OGFOD2: variants seen among roughly 807,000 people sequenced by gnomAD.
OGFOD2 encodes the protein 2-oxoglutarate and iron dependent oxygenase domain containing 2, also known as 2-oxoglutarate and iron-dependent oxygenase domain-containing protein 2.
A neutral mutation model predicts 31.1 loss-of-function variants in OGFOD2; 34 were observed. The ratio of observed to expected loss-of-function variants is 1.09; its 90% CI spans 0.83 to 1.45. The LOEUF (loss-of-function observed/expected upper bound fraction) is 1.45, where lower values mean the gene tolerates loss of function less well. Among genes scored for constraint, OGFOD2 ranks in the 40% most tolerant of loss-of-function variants. The pLI, the probability that OGFOD2 is intolerant of heterozygous loss-of-function variation, is 0.00. For missense variants in OGFOD2, 537 were observed against 433.9 expected, an observed-to-expected ratio of 1.24 and a Z score of -2.11; for synonymous variants, 240 against 192.3, an observed-to-expected ratio of 1.25 and a Z score of -2.05.
chr12:122,978,425 C>T lies in OGFOD2; in HGVS notation c.404-17C>T, dbSNP rs2037496222. On this transcript the variant is annotated splice_polypyrimidine_tract_variant and intron_variant, in intron 4 of 6. Transcript: ENST00000228922. Reference sequence around the variant, plus strand: ...CACGGCCACATTCAGGCCAACAGACCATCCCTCCTTCCACAGAGGAGAAGC... The same window carrying T: ...CACGGCCACATTCAGGCCAACAGACTATCCCTCCTTCCACAGAGGAGAAGC... The T allele has an allele frequency of 6.2e-7, 1 of 1,612,048 alleles. No individual in the cohort carries two copies. Among genetic ancestry groups the T allele is most frequent in the African/African-American group, 1.3e-5 (1 of 75,018 alleles).
rs538227616 is a variant in OGFOD2 at position 122,975,524 on chromosome 12, G to C, written c.132+141G>C. ...AAGAATGACGGCCTCTCTCTGCCTC[G>C]GTTTTCTCACCGTAAAGGGGTAATA... On this transcript the variant is annotated intron_variant, in intron 1 of 6. Coordinates refer to ENST00000228922, the Ensembl canonical transcript of OGFOD2. 3.0e-4 allele frequency: 179 copies of C among 593,496 alleles called. 1 individual carries two copies. The highest frequency in any genetic ancestry group is 2.7e-3 in the African/African-American group (148 of 53,930). 36.8% of individuals were successfully genotyped at this position (593,496 alleles called of 1,614,324 possible).
At chr12:122,977,743 C>T (rs1207717754) in intron 4 of OGFOD2, 1 of 154,072 alleles carries the variant, frequency 6.5e-6, no homozygotes, top group Non-Finnish European at 1.4e-5. Context: ...CTCATGGAGC[C>T]TGTGCTTTGT....
At chr12:122,979,163 T>C in exon 7 of OGFOD2, 1 of 1,610,740 alleles carries the variant, frequency 6.2e-7, no homozygotes, top group Non-Finnish European at 8.5e-7. Flanking sequence ...GCCAGCTGCA[T>C]GGAGCCCGGC....
intron 4 of OGFOD2, 85 bp from the exon 5 acceptor site, chr12:122,978,357 C>G: frequency 6.5e-7 from 1 of 1,539,454 alleles, no homozygotes; most frequent in East Asian, 2.3e-5. Context: ...CTCCATGGCA[C>G]AGGTGATGAA....
intron 4 of OGFOD2, chr12:122,977,198 G>T: frequency 1.7e-6 from 1 of 574,448 alleles, no homozygotes; most frequent in Non-Finnish European, 3.2e-6. Context: ...CCCTTCCTTC[G>T]TGCCCTCATC....
In OGFOD2 at chr12:122,979,425, C is replaced by T. The variant is rs1016360202; in HGVS notation, c.*79C>T. On this transcript the variant is annotated 3_prime_UTR_variant, in exon 7 of 7. Coordinates refer to ENST00000228922, the Ensembl canonical transcript of OGFOD2. The stretch of plus-strand genomic sequence containing the variant: ...GGTCTGGGGGCAGAAATAAAATCCC[C>T]GCAGCCTACTGCACTTCTTGGCTCA... 33 of 1,475,868 alleles carry T rather than the reference C, an allele frequency of 2.2e-5. No homozygotes were observed. In the African/African-American group the frequency reaches 2.8e-4, roughly 13 times the overall value. 91.4% of individuals were successfully genotyped at this position (1,475,868 alleles called of 1,614,324 possible).
In OGFOD2 at chr12:122,975,243, T is replaced by G. The variant is rs769128454; in HGVS notation, c.-9T>G. 4 of 668,776 alleles carry G rather than the reference T, an allele frequency of 6.0e-6. No individual in the cohort carries two copies. Among genetic ancestry groups the G allele is most frequent in the South Asian group, 4.6e-5 (3 of 65,226 alleles). 41.4% of individuals were successfully genotyped at this position (668,776 alleles called of 1,614,324 possible). ...CTACGGAAGCTGGTAGGGCTGTGGG[T>G]GCTTCACTATGGCGACGGTGGGGGC... On this transcript the variant is annotated 5_prime_UTR_variant, in exon 1 of 7. Coordinates refer to ENST00000228922, the Ensembl canonical transcript of OGFOD2.
intron 2 of OGFOD2, chr12:122,976,371 TC>T: frequency 6.2e-7 from 1 of 1,613,816 alleles, no homozygotes; most frequent in Non-Finnish European, 8.5e-7. Context: ...CATGACTGTC[TC>T]CTGTCCCTGT....
chr12:122,977,044 G>T, intron 4 of OGFOD2, 74 bp downstream of exon 4: 1 of 1,419,220 alleles, frequency 7.0e-7, no homozygotes, highest in Non-Finnish European at 9.8e-7. Flanking sequence ...GGATGCTGGG[G>T]TCCCTCCAGC....
chr12:122,976,162 C>T (rs906912971), intron 2 of OGFOD2: 6 of 594,950 alleles, frequency 1.0e-5, no homozygotes, highest in African/African-American at 7.4e-5. Context: ...AGAGGGATCC[C>T]TTGCCCAAGC....
intron 6 of OGFOD2, 22 bp from the exon 7 acceptor site, chr12:122,979,061 G>A: frequency 6.2e-7 from 1 of 1,600,608 alleles, no homozygotes. Context: ...GAGTGCCCAG[G>A]CCTGAGTCGT....
intron 2 of OGFOD2, 110 bp downstream of exon 2, chr12:122,975,977 G>T: frequency 1.5e-6 from 1 of 660,462 alleles, no homozygotes; most frequent in South Asian, 1.6e-5. Context: ...GGTCACTTAG[G>T]CCCTCACTTT....
In OGFOD2 at chr12:122,979,468, G is replaced by C. The variant is rs2037551408; in HGVS notation, c.*122G>C. Reference sequence around the variant, plus strand: ...TTGGCTCAACGGTGTGCCAGCTTCTGGGTCATTCTATGGGCAAAGATGCTG... The same window carrying C: ...TTGGCTCAACGGTGTGCCAGCTTCTCGGTCATTCTATGGGCAAAGATGCTG... On this transcript the variant is annotated 3_prime_UTR_variant, in exon 7 of 7. Transcript: ENST00000228922. 12 of 1,269,544 alleles carry C rather than the reference G, an allele frequency of 9.5e-6. No individual in the cohort carries two copies. The South Asian group carries it at 1.8e-4, about 20-fold the overall frequency. The allele number at this position is 1,269,544 out of a possible 1,614,324, so 78.6% of individuals were successfully genotyped here.
upstream of OGFOD2, chr12:122,975,143 C>T (rs2037370661): frequency 8.0e-6 from 4 of 500,880 alleles, no homozygotes; most frequent in African/African-American, 1.9e-5. Flanking sequence ...TCCTTTTCCG[C>T]CCTTGGGAAC....
rs1172593275 is a variant in OGFOD2, at chr12:122,975,240, G to A, written c.-12G>A. The A allele has an allele frequency of 4.5e-6, 3 of 665,854 alleles. No homozygotes were observed. Among genetic ancestry groups the A allele is most frequent in the Admixed American group, 4.5e-5 (2 of 44,512 alleles). 41.2% of individuals were successfully genotyped at this position (665,854 alleles called of 1,614,324 possible). A position where few individuals can be genotyped will look rare whatever the true frequency, so the allele number is the denominator to read the frequency against. ...TCTCTACGGAAGCTGGTAGGGCTGT[G>A]GGTGCTTCACTATGGCGACGGTGGG... On this transcript the variant is annotated 5_prime_UTR_variant, in exon 1 of 7. Coordinates refer to ENST00000228922, the Ensembl canonical transcript of OGFOD2.
chr12:122,978,457 A>G (rs201427406), exon 5 of OGFOD2: 1 of 1,613,486 alleles, frequency 6.2e-7, no homozygotes, highest in East Asian at 2.2e-5. Context: ...AAGCGCATCT[A>G]CCGGGTGCCT....
chr12:122,976,217 C>G (rs1421128727), intron 2 of OGFOD2: 1 of 628,480 alleles, frequency 1.6e-6, no homozygotes, highest in Non-Finnish European at 2.8e-6. Flanking sequence ...GCTTCCAGGC[C>G]CCTGGGCTCC....
exon 1 of OGFOD2, chr12:122,975,349 G>A (rs1392157334): frequency 8.6e-6 from 6 of 701,546 alleles, no homozygotes; most frequent in East Asian, 5.4e-5. Context: ...GTGCGCTTCC[G>A]AGGCGAGCAG....
At chr12:122,974,913 G>T (rs552548155), upstream of OGFOD2, 4 of 209,328 alleles carry the variant, frequency 1.9e-5, no homozygotes, top group African/African-American at 9.1e-5. Flanking sequence ...GCAGACGGCG[G>T]GGGGTGGGTC....
Sources: allele counts gnomAD v4.1 joint callset, GRCh38; gene constraint gnomAD v4.1.1; transcripts MANE v1.5; gene names NCBI Gene and HGNC (gene_info 2026-07-23, HGNC 2026-07-21).